Variants in SLC39A9 observed in about 807,000 individuals in gnomAD.
The protein encoded by SLC39A9 is solute carrier family 39 member 9, also known as zinc transporter ZIP9.
A neutral mutation model predicts 28.4 loss-of-function variants in SLC39A9; 14 were observed. The observed-to-expected ratio is 0.49, with a 90% CI of 0.33 to 0.77. SLC39A9 has a LOEUF of 0.77. SLC39A9 is among the 30% of genes least tolerant of loss of function. SLC39A9 has a pLI of 0.02. For missense variants in SLC39A9, 283 were observed against 381.1 expected, an observed-to-expected ratio of 0.74 and a Z score of 2.14; for synonymous variants, 119 against 149.6, an observed-to-expected ratio of 0.80 and a Z score of 1.49.
In SLC39A9 at chr14:69,423,488, C is replaced by T. The variant is rs571885217; in HGVS notation, c.97-606C>T. 3.9e-5 allele frequency among the ~76,000 whole-genome samples: 6 copies of T among 152,316 alleles called. No homozygotes were observed. In the South Asian group the frequency reaches 1.2e-3, roughly 32 times the overall value. On this transcript the variant is annotated intron_variant, in intron 1 of 6. Transcript: ENST00000336643. ...TGAGGCTTTAAATCTAAATGCCAAA[C>T]TGTAGTCTCCAGAGGTTGTAGCAAT... is the stretch of plus-strand genomic sequence containing the variant.
intron 3 of SLC39A9, among the ~76,000 whole-genome samples, chr14:69,452,519 G>A (rs3784141): frequency 0.13 from 19,716 of 150,246 alleles, 1,384 homozygotes; most frequent in East Asian, 0.18. Flanking sequence ...TAGTAGAAAC[G>A]TGGTTTCACC....
intron 1 of SLC39A9, among the ~76,000 whole-genome samples, chr14:69,408,513 T>A (rs1182704992): frequency 1.3e-5 from 2 of 152,184 alleles, no homozygotes; most frequent in Non-Finnish European, 2.9e-5. Context: ...TGTCAGTGCC[T>A]GGGAGTCATT....
chr14:69,430,909 C>T (rs1187265337), intron 2 of SLC39A9, among the ~76,000 whole-genome samples: 2 of 152,104 alleles, frequency 1.3e-5, no homozygotes, highest in African/African-American at 2.4e-5. Flanking sequence ...TGTGAGCCAC[C>T]CCAGCCAGCC....
At chr14:69,433,539 A>T (rs1338671328) in intron 2 of SLC39A9, among the ~76,000 whole-genome samples, 2 of 152,152 alleles carry the variant, frequency 1.3e-5, no homozygotes, top group African/African-American at 4.8e-5. Context: ...GTTAGAATTT[A>T]TTAGTGAATT....
At chr14:69,413,622 A>G (rs183151039) in intron 1 of SLC39A9, among the ~76,000 whole-genome samples, 1 of 152,228 alleles carries the variant, frequency 6.6e-6, no homozygotes, top group East Asian at 1.9e-4. Context: ...ATAGAGAAGA[A>G]TTACAACTAT....
chr14:69,399,389 T>C lies in SLC39A9; in HGVS notation c.20T>C (p.Ile7Thr), dbSNP rs776034748. 1 of 1,614,092 alleles carries C rather than the reference T, an allele frequency of 6.2e-7. No homozygotes were observed. Among genetic ancestry groups the C allele is most frequent in the Admixed American group, 1.7e-5 (1 of 60,010 alleles). ...GGCAGAATGGATGATTTCATCTCCA[T>C]TAGCCTGCTGTCTCTGGCTATGTTG... MDDFIS[I>T]SLLSLAMLVG... The change falls in exon 1 of 7, where the codon ATT (isoleucine) becomes ACT (threonine). Residue 7 changes from isoleucine (I) to threonine (T), a missense_variant. Physicochemically the swap from Ile to Thr is moderately conservative, Grantham distance 89. Coordinates refer to ENST00000336643, the MANE Select transcript of SLC39A9 (RefSeq NM_018375.5).
intron 2 of SLC39A9, among the ~76,000 whole-genome samples, chr14:69,427,714 A>G (rs1394150014): frequency 1.3e-5 from 2 of 152,206 alleles, no homozygotes; most frequent in South Asian, 2.1e-4. Context: ...AGCATAATGC[A>G]TTTGAGGGTC....
At chr14:69,426,852 G>A (rs994582635) in intron 2 of SLC39A9, among the ~76,000 whole-genome samples, 15 of 152,212 alleles carry the variant, frequency 9.9e-5, no homozygotes, top group Admixed American at 9.2e-4. Context: ...TTGTGTGTGT[G>A]TGTATATGTT....
At position 69,460,982 on chromosome 14, in the gene SLC39A9, T is replaced by C; in HGVS notation, c.*2389T>C. Reference sequence around the variant, plus strand: ...AAGAGCTTGCTGGCATGGTGGGCAGTATTCCAGGAGAGGCCATGTCCGTGT... The same window carrying C: ...AAGAGCTTGCTGGCATGGTGGGCAGCATTCCAGGAGAGGCCATGTCCGTGT... On this transcript the variant is annotated 3_prime_UTR_variant, in exon 7 of 7. Coordinates refer to ENST00000336643, the MANE Select transcript of SLC39A9 (RefSeq NM_018375.5). 1 of 985,622 alleles carries C rather than the reference T, an allele frequency of 1.0e-6. No homozygotes were observed. The highest frequency in any genetic ancestry group is 1.2e-6 in the Non-Finnish European group (1 of 830,090). 61.1% of individuals were successfully genotyped at this position (985,622 alleles called of 1,614,324 possible).
intron 6 of SLC39A9, among the ~76,000 whole-genome samples, chr14:69,457,159 T>G (rs907342374): frequency 2.6e-5 from 4 of 151,500 alleles, no homozygotes; most frequent in Non-Finnish European, 5.9e-5. Flanking sequence ...TTATAAAGAT[T>G]AGCTTATGAG....
At chr14:69,450,994 G>A (rs1233747274) in intron 3 of SLC39A9, among the ~76,000 whole-genome samples, 1 of 152,118 alleles carries the variant, frequency 6.6e-6, no homozygotes, top group Non-Finnish European at 1.5e-5. Flanking sequence ...ATGCTAAACT[G>A]CAGTCTTTAT....
chr14:69,459,782 T>C lies in SLC39A9; in HGVS notation c.*1189T>C, dbSNP rs1886038991. ...TCTAACTTTTCCCTCTAGCCTCTCC[T>C]CGCCACAATTTGCTGCTTACTGCTG... is the stretch of plus-strand genomic sequence containing the variant. On this transcript the variant is annotated 3_prime_UTR_variant, in exon 7 of 7. Transcript: ENST00000336643. 5 of 985,282 alleles carry C rather than the reference T, an allele frequency of 5.1e-6. No individual in the cohort carries two copies. The South Asian group carries it at 1.9e-4, about 37-fold the overall frequency. The allele number at this position is 985,282 out of a possible 1,614,324, so 61.0% of individuals were successfully genotyped here.
chr14:69,426,735 G>C (rs1884212044), intron 2 of SLC39A9, among the ~76,000 whole-genome samples: 1 of 152,222 alleles, frequency 6.6e-6, no homozygotes. Flanking sequence ...TCAGAAGCCT[G>C]CTGTTGAGGC....
intron 1 of SLC39A9, among the ~76,000 whole-genome samples, chr14:69,401,020 G>A (rs1221021044): frequency 6.6e-6 from 1 of 151,476 alleles, no homozygotes; most frequent in Non-Finnish European, 1.5e-5. Flanking sequence ...GTGACATATA[G>A]ATGAGGAAAC....
chr14:69,406,323 A>G (rs1882909944), intron 1 of SLC39A9, among the ~76,000 whole-genome samples: 1 of 152,246 alleles, frequency 6.6e-6, no homozygotes, highest in African/African-American at 2.4e-5. Context: ...CCTATTGTGA[A>G]CTATCCAAGA....
At chr14:69,414,480 A>G (rs1883459734) in intron 1 of SLC39A9, among the ~76,000 whole-genome samples, 1 of 152,190 alleles carries the variant, frequency 6.6e-6, no homozygotes, top group Non-Finnish European at 1.5e-5. Flanking sequence ...GTTTAAGGAA[A>G]ATTTTTGGAA....
intron 6 of SLC39A9, among the ~76,000 whole-genome samples, chr14:69,457,183 TACACAC>T (rs1016972205): frequency 9.4e-4 from 142 of 151,778 alleles, no homozygotes; most frequent in African/African-American, 3.1e-3. Flanking sequence ...TACATATATA[TACACAC>T]ACACACACAC....
chr14:69,416,010 T>TC (rs1265144650), intron 1 of SLC39A9, among the ~76,000 whole-genome samples: 1 of 152,124 alleles, frequency 6.6e-6, no homozygotes, highest in African/African-American at 2.4e-5. Context: ...CATGTTGGTT[T>TC]GCTGCACCCA....
At chr14:69,420,115 T>C (rs903288345) in intron 1 of SLC39A9, among the ~76,000 whole-genome samples, 1 of 152,226 alleles carries the variant, frequency 6.6e-6, no homozygotes, top group African/African-American at 2.4e-5. Flanking sequence ...CAATTTGTTA[T>C]GTTTTTGCAG....
Sources: allele counts gnomAD v4.1 joint callset (sites outside exome capture counted in the v4.1 genomes callset), GRCh38; gene constraint gnomAD v4.1.1; transcripts MANE v1.5; gene names NCBI Gene and HGNC (gene_info 2026-07-23, HGNC 2026-07-21).